USH2A: variants seen among roughly 807,000 people sequenced by gnomAD.
USH2A encodes usherin.
Under a neutral mutation model 538.9 loss-of-function variants are expected in USH2A, and 443 were observed. That is an observed-to-expected ratio of 0.82 (90% CI 0.76 to 0.89). The LOEUF (loss-of-function observed/expected upper bound fraction) is 0.89. Ranked by LOEUF, USH2A falls within the 40% of genes least tolerant of loss-of-function variation. The pLI is 0.00. For synonymous variants in USH2A, 2,413 were observed against 2,273.5 expected (o/e 1.06, Z -1.75); for missense variants, 6,633 against 6,324.8 (o/e 1.05, Z -1.65).
chr1:215,787,555 T>C (rs1661836514), intron 51 of USH2A, among the ~76,000 whole-genome samples: 1 of 152,216 alleles, frequency 6.6e-6, no homozygotes, highest in African/African-American at 2.4e-5. Flanking sequence ...AAATACTTAA[T>C]CATCCCACAC....
intron 6 of USH2A, among the ~76,000 whole-genome samples, 200 bp downstream of exon 6, chr1:216,325,105 C>A (rs1397573574): frequency 1.3e-5 from 2 of 152,078 alleles, no homozygotes; most frequent in East Asian, 3.9e-4. Context: ...CACCAAGGGC[C>A]ACCAGGAGCT....
intron 4 of USH2A, among the ~76,000 whole-genome samples, chr1:216,349,649 C>T (rs1016839997): frequency 2.0e-5 from 3 of 152,122 alleles, no homozygotes; most frequent in Admixed American, 6.5e-5. Context: ...CCGTATATGG[C>T]CTAAAACAGG....
rs1333608275 is a variant in USH2A at position 215,650,731 on chromosome 1, G to C, written c.14204C>G (p.Pro4735Arg). 2 of 1,613,944 alleles carry C rather than the reference G, an allele frequency of 1.2e-6. No individual in the cohort carries two copies. Among genetic ancestry groups the C allele is most frequent in the Middle Eastern group, 1.7e-4 (1 of 6,060 alleles). Residue 4735 changes from proline to arginine, a missense_variant, in exon 65 of 72, where the codon CCA becomes CGA. Transcript: ENST00000307340. ...WTWCRTGPAP[P>R]EGLRAPTFHV... ...GAACGTGGGGGCTCTGAGACCTTCT[G>C]GTGGGGCTGGCCCGGTTCTGCACCA... is the stretch of plus-strand genomic sequence containing the variant.
chr1:215,675,269 T>G lies in USH2A; in HGVS notation c.12642A>C (p.Thr4214=). 1 of 1,614,198 alleles carries G rather than the reference T, an allele frequency of 6.2e-7. No individual in the cohort carries two copies. Among genetic ancestry groups the G allele is most frequent in the South Asian group, 1.1e-5 (1 of 91,088 alleles). The change falls in exon 63 of 72, where the codon ACA becomes ACC. Residue 4214 remains threonine, a synonymous_variant. Coordinates refer to ENST00000307340, the MANE Select transcript of USH2A (RefSeq NM_206933.4). ...ATGTATTCCTTTCAGTGTTATATTC[T>G]GTGAAAACAATTTTCTCGTCGGCCT... ...TIQADEKIVF[T]EYNTERNTFM...
At chr1:215,885,687 T>C (rs1407683763) in intron 41 of USH2A, among the ~76,000 whole-genome samples, 1 of 152,224 alleles carries the variant, frequency 6.6e-6, no homozygotes, top group Non-Finnish European at 1.5e-5. Flanking sequence ...ATATCACCTC[T>C]TTTAGTACTT....
chr1:215,658,927 G>A (rs1657353217), intron 64 of USH2A, among the ~76,000 whole-genome samples: 1 of 152,156 alleles, frequency 6.6e-6, no homozygotes, highest in Admixed American at 6.5e-5. Context: ...CACCAATTGT[G>A]ATTAACATCT....
At chr1:216,174,409 A>G in intron 21 of USH2A, 7 of 985,142 alleles carry the variant, frequency 7.1e-6, no homozygotes, top group Non-Finnish European at 8.4e-6. Flanking sequence ...GCTGTAAGTC[A>G]CAGAGGTCAT....
At chr1:216,398,831 G>A (rs1476759603) in intron 3 of USH2A, among the ~76,000 whole-genome samples, 2 of 152,148 alleles carry the variant, frequency 1.3e-5, no homozygotes, top group Non-Finnish European at 2.9e-5. Context: ...GTTGAAACAG[G>A]CAGCTGTCTA....
At chr1:216,009,022 G>T (rs1668478428) in intron 32 of USH2A, among the ~76,000 whole-genome samples, 1 of 152,004 alleles carries the variant, frequency 6.6e-6, no homozygotes, top group South Asian at 2.1e-4. Context: ...TGGGGGAGGG[G>T]CAAATATCCC....
chr1:216,337,920 A>C (rs2038003794), intron 4 of USH2A, among the ~76,000 whole-genome samples: 1 of 151,330 alleles, frequency 6.6e-6, no homozygotes, highest in Admixed American at 6.6e-5. Flanking sequence ...ATAGCACCAA[A>C]ACCTTGAGAT....
chr1:216,113,980 A>C (rs150887247), intron 21 of USH2A, among the ~76,000 whole-genome samples: 29 of 151,884 alleles, frequency 1.9e-4, no homozygotes, highest in African/African-American at 6.7e-4. Flanking sequence ...AAATTTACTT[A>C]CAAAATTGCT....
At chr1:216,277,925 G>A (rs112099670) in intron 11 of USH2A, among the ~76,000 whole-genome samples, 1 of 152,086 alleles carries the variant, frequency 6.6e-6, no homozygotes, top group Admixed American at 6.6e-5. Context: ...AGGAACAGCT[G>A]TCTTGGAGAG....
chr1:216,025,286 T>TTAGAC (rs1175297430), intron 32 of USH2A, among the ~76,000 whole-genome samples: 4 of 151,942 alleles, frequency 2.6e-5, no homozygotes, highest in Admixed American at 6.6e-5. Context: ...TTAATTTGTC[T>TTAGAC]TAGACTAAAT....
intron 3 of USH2A, among the ~76,000 whole-genome samples, chr1:216,400,410 A>AC (rs1470899186): frequency 6.6e-6 from 1 of 151,838 alleles, no homozygotes; most frequent in Non-Finnish European, 1.5e-5. Context: ...AAAGGAAAAA[A>AC]AAAAACTTGA....
chr1:215,708,710 T>C (rs1470420540), intron 61 of USH2A, among the ~76,000 whole-genome samples: 1 of 152,102 alleles, frequency 6.6e-6, no homozygotes. Flanking sequence ...AGATCTGTGC[T>C]CCACTCCTCA....
At chr1:215,880,717 A>C (rs1664883440) in intron 41 of USH2A, among the ~76,000 whole-genome samples, 1 of 152,196 alleles carries the variant, frequency 6.6e-6, no homozygotes, top group Non-Finnish European at 1.5e-5. Context: ...ATCACAGCTA[A>C]ATTCAACCTG....
intron 24 of USH2A, among the ~76,000 whole-genome samples, chr1:216,086,059 A>G (rs2032121262): frequency 6.6e-6 from 1 of 152,126 alleles, no homozygotes; most frequent in South Asian, 2.1e-4. Flanking sequence ...CAATCCTAGA[A>G]TATTAGCATT....
chr1:215,728,696 C>T (rs192969977), intron 60 of USH2A, among the ~76,000 whole-genome samples: 2 of 152,238 alleles, frequency 1.3e-5, no homozygotes, highest in African/African-American at 2.4e-5. Flanking sequence ...GGTGAAACCT[C>T]ATCCAAAATC....
At chr1:215,879,980 T>A (rs2102452730) in intron 41 of USH2A, among the ~76,000 whole-genome samples, 1 of 152,326 alleles carries the variant, frequency 6.6e-6, no homozygotes, top group East Asian at 1.9e-4. Context: ...ATATATCTCA[T>A]GTCCCAGCCT....
Sources: allele counts gnomAD v4.1 joint callset (sites outside exome capture counted in the v4.1 genomes callset), GRCh38; gene constraint gnomAD v4.1.1; transcripts MANE v1.5; gene names NCBI Gene and HGNC (gene_info 2026-07-23, HGNC 2026-07-21).